Variants in MPP7 observed in about 807,000 individuals in gnomAD.
The protein encoded by MPP7 is MAGUK p55 subfamily member 7.
A neutral mutation model predicts 76.5 loss-of-function variants in MPP7; 60 were observed. The observed-to-expected ratio is 0.78, with a 90% CI of 0.64 to 0.97. The LOEUF (loss-of-function observed/expected upper bound fraction) is 0.97. Ranked by LOEUF, MPP7 falls within the 50% of genes least tolerant of loss-of-function variation. The pLI is 0.00. For synonymous variants in MPP7, 237 were observed against 244.5 expected, an observed-to-expected ratio of 0.97 and a Z score of 0.29; for missense variants, 641 against 694.0, an observed-to-expected ratio of 0.92 and a Z score of 0.86.
At position 28,133,688 on chromosome 10, in the gene MPP7, C is replaced by T. The variant is rs113033647; in HGVS notation, c.316-1997G>A. ...AATGAATATGCCCAAATAAACACCC[C>T]GAAAACAAGAAATACAACATTAACC... On this transcript the variant is annotated intron_variant, in intron 5 of 16. Transcript: ENST00000683449. Among the ~76,000 whole-genome samples, 1,504 of 152,016 alleles carry T rather than the reference C, an allele frequency of 9.9e-3. 13 individuals carry two copies. The highest frequency in any genetic ancestry group is 0.017 in the Non-Finnish European group (1,146 of 67,968).
At chr10:28,129,773 C>CA (rs1267004166) in intron 6 of MPP7, among the ~76,000 whole-genome samples, 5 of 151,746 alleles carry the variant, frequency 3.3e-5, no homozygotes, top group East Asian at 3.9e-4. Flanking sequence ...TCCCAGGCAC[C>CA]AAAAAAACCC....
At chr10:28,139,276 T>A (rs76812798) in intron 5 of MPP7, among the ~76,000 whole-genome samples, 5,744 of 152,260 alleles carry the variant, frequency 0.038, 158 homozygotes, top group Middle Eastern at 0.082. Context: ...GCTTCAATTA[T>A]GCCTAATCAC....
chr10:28,084,975 G>C (rs77593096), intron 12 of MPP7, among the ~76,000 whole-genome samples: 1 of 152,170 alleles, frequency 6.6e-6, no homozygotes, highest in Admixed American at 6.5e-5. Context: ...AGTTGTAGAC[G>C]TGGGCAGGAT....
At chr10:28,150,230 G>C (rs892496564) in intron 3 of MPP7, among the ~76,000 whole-genome samples, 171 bp from the exon 4 acceptor site, 2 of 152,112 alleles carry the variant, frequency 1.3e-5, no homozygotes, top group African/African-American at 4.8e-5. Flanking sequence ...AAACCCATAG[G>C]TGACACGTAT....
intron 3 of MPP7, among the ~76,000 whole-genome samples, chr10:28,154,322 G>A (rs1835979403): frequency 6.6e-6 from 1 of 152,164 alleles, no homozygotes; most frequent in African/African-American, 2.4e-5. Context: ...TATTCTGTGT[G>A]TGTATATCAT....
intron 13 of MPP7, among the ~76,000 whole-genome samples, chr10:28,067,619 T>C (rs1216329944): frequency 6.6e-6 from 1 of 152,180 alleles, no homozygotes; most frequent in Non-Finnish European, 1.5e-5. Flanking sequence ...ATTGTCAACT[T>C]CTATAACAAC....
chr10:28,123,586 A>G (rs975531013), intron 8 of MPP7, among the ~76,000 whole-genome samples: 1 of 148,504 alleles, frequency 6.7e-6, no homozygotes, highest in Non-Finnish European at 1.5e-5. Context: ...CTCCTGCCTC[A>G]GCCTCCCAAG....
intron 2 of MPP7, among the ~76,000 whole-genome samples, chr10:28,322,945 G>C (rs1174532375): frequency 6.6e-6 from 1 of 151,994 alleles, no homozygotes; most frequent in Non-Finnish European, 1.5e-5. Flanking sequence ...CTTGAGCCAG[G>C]AGTTCAAGAC....
chr10:28,289,942 C>G (rs975585277), intron 1 of MPP7, among the ~76,000 whole-genome samples: 3 of 152,184 alleles, frequency 2.0e-5, no homozygotes, highest in Non-Finnish European at 4.4e-5. Flanking sequence ...TCTTAGCCAC[C>G]CAAGTAGCTG....
At chr10:28,298,661 A>G (rs1251126382) in intron 1 of MPP7, among the ~76,000 whole-genome samples, 3 of 152,230 alleles carry the variant, frequency 2.0e-5, no homozygotes, top group African/African-American at 7.2e-5. Context: ...CTCCAAACAA[A>G]AGAGTCAGCC....
chr10:28,170,442 T>C (rs951931773), intron 3 of MPP7, among the ~76,000 whole-genome samples: 1 of 151,932 alleles, frequency 6.6e-6, no homozygotes, highest in African/African-American at 2.4e-5. Context: ...AGTGCTAAGA[T>C]TACAGGGGTG....
chr10:28,124,587 T>C (rs1258366726), intron 7 of MPP7, among the ~76,000 whole-genome samples: 1 of 143,436 alleles, frequency 7.0e-6, no homozygotes, highest in Non-Finnish European at 1.5e-5. Context: ...ACCATTCTCC[T>C]GCCTCAGCCT....
intron 2 of MPP7, among the ~76,000 whole-genome samples, chr10:28,327,649 T>C (rs1834430411): frequency 6.6e-6 from 1 of 152,224 alleles, no homozygotes; most frequent in South Asian, 2.1e-4. Flanking sequence ...TTTCTATTTT[T>C]AACCAATGGG....
intron 12 of MPP7, among the ~76,000 whole-genome samples, chr10:28,085,465 G>A (rs998075149): frequency 6.6e-6 from 1 of 152,198 alleles, no homozygotes; most frequent in Non-Finnish European, 1.5e-5. Context: ...GGGAACAGCA[G>A]AGGGTAGTGA....
intron 1 of MPP7, among the ~76,000 whole-genome samples, chr10:28,288,557 T>C (rs752265112): frequency 6.6e-6 from 1 of 152,148 alleles, no homozygotes. Context: ...TTATGTTTTA[T>C]TGAATTCATA....
chr10:28,090,959 C>A (rs544208926), intron 11 of MPP7, among the ~76,000 whole-genome samples: 1 of 152,106 alleles, frequency 6.6e-6, no homozygotes, highest in African/African-American at 2.4e-5. Flanking sequence ...CCAGGTGGGG[C>A]AACATGGAGA....
At position 28,179,221 on chromosome 10, in the gene MPP7, A is replaced by G. The variant is rs146333126; in HGVS notation, c.156+22932T>C. 7.2e-3 allele frequency among the ~76,000 whole-genome samples: 1,097 copies of G among 152,304 alleles called. 8 individuals are homozygous for G. The highest frequency in any genetic ancestry group is 0.025 in the African/African-American group (1,041 of 41,556). ...CTTCAGCAACTTTCAGATCTTATTT[A>G]ACTAGATCAGTGATCAGTTCTTCAA... On this transcript the variant is annotated intron_variant, in intron 3 of 16. Transcript: ENST00000683449.
chr10:28,210,248 A>G (rs1010736072), intron 2 of MPP7, among the ~76,000 whole-genome samples: 1 of 152,200 alleles, frequency 6.6e-6, no homozygotes, highest in Non-Finnish European at 1.5e-5. Flanking sequence ...AATCTCCTAT[A>G]AACACACACA....
At chr10:28,167,460 G>T (rs890975527) in intron 3 of MPP7, among the ~76,000 whole-genome samples, 1 of 152,096 alleles carries the variant, frequency 6.6e-6, no homozygotes, top group Non-Finnish European at 1.5e-5. Flanking sequence ...ACAGACACCG[G>T]GCCTGCATAA....
Sources: gnomAD v4.1 joint callset for allele counts (sites outside exome capture counted in the v4.1 genomes callset) on GRCh38, gnomAD v4.1.1 for gene constraint, MANE v1.5 for transcripts, NCBI Gene and HGNC (gene_info 2026-07-23, HGNC 2026-07-21) for gene names.